DGKG: variants seen among roughly 807,000 people sequenced by gnomAD.
DGKG encodes diacylglycerol kinase gamma.
Under a neutral mutation model 105.3 loss-of-function variants are expected in DGKG, and 78 were observed. The observed-to-expected ratio is 0.74, with a 90% CI of 0.62 to 0.89. The LOEUF is 0.89. DGKG is among the 40% of genes least tolerant of loss of function. The pLI is 0.00. For synonymous variants in DGKG, 346 were observed against 367.1 expected (o/e 0.94, Z 0.66); for missense variants, 958 against 1,020.1 (o/e 0.94, Z 0.83).
In DGKG at chr3:186,244,407, G is replaced by GTTT. The variant is rs10701431; in HGVS notation, c.1762-1842_1762-1840dup. ...TAAAATTTAAACTTTAGCTATTGAT[G>GTTT]TTTTTTTTTTTTTTTGAGATAGAGT... On this transcript the variant is annotated intron_variant, in intron 19 of 24. Coordinates refer to ENST00000265022, the MANE Select transcript of DGKG (RefSeq NM_001346.3). Among the ~76,000 whole-genome samples the GTTT allele has an allele frequency of 1.1e-3, 154 of 138,332 alleles. 2 individuals are homozygous for GTTT. The highest frequency in any genetic ancestry group is 2.7e-3 in the African/African-American group (101 of 37,764). 90.8% of individuals were successfully genotyped at this position (138,332 alleles called of 152,430 possible).
chr3:186,344,325 G>T (rs1204925987), intron 1 of DGKG, among the ~76,000 whole-genome samples: 3 of 152,122 alleles, frequency 2.0e-5, no homozygotes, highest in Admixed American at 1.3e-4. Context: ...GCAAAGACAT[G>T]GAATGAGCAT....
intron 11 of DGKG, among the ~76,000 whole-genome samples, chr3:186,272,053 T>A (rs889782360): frequency 1.3e-5 from 2 of 152,158 alleles, no homozygotes; most frequent in African/African-American, 4.8e-5. Flanking sequence ...GTGTACCCCC[T>A]AGCATGGTGC....
chr3:186,249,708 A>G (rs4686756), intron 19 of DGKG, among the ~76,000 whole-genome samples: 138,614 of 152,032 alleles, frequency 0.91, 63,888 homozygotes, highest in East Asian at 1. Context: ...TGGATGTGGT[A>G]TTGCACGCTT....
chr3:186,323,589 C>T (rs531094503), intron 1 of DGKG, among the ~76,000 whole-genome samples: 7 of 152,206 alleles, frequency 4.6e-5, no homozygotes, highest in Admixed American at 6.5e-5. Context: ...GTCAGGAGAT[C>T]GAGACCATCC....
At chr3:186,197,073 G>A (rs543210663) in intron 21 of DGKG, among the ~76,000 whole-genome samples, 2 of 152,314 alleles carry the variant, frequency 1.3e-5, no homozygotes, top group East Asian at 1.9e-4. Flanking sequence ...AAGAGAAGAT[G>A]CTGAACAGAG....
intron 22 of DGKG, among the ~76,000 whole-genome samples, chr3:186,181,167 T>C (rs1446495418): frequency 6.6e-6 from 1 of 152,222 alleles, no homozygotes; most frequent in Non-Finnish European, 1.5e-5. Flanking sequence ...TGTGGGGTTA[T>C]TTTATTGAGG....
intron 1 of DGKG, among the ~76,000 whole-genome samples, chr3:186,342,935 G>GA: frequency 6.6e-6 from 1 of 151,738 alleles, no homozygotes; most frequent in East Asian, 1.9e-4. Context: ...AAGACACTTA[G>GA]AAAAAAAGGA....
At chr3:186,193,681 C>T (rs1177010318) in intron 21 of DGKG, among the ~76,000 whole-genome samples, 1 of 152,212 alleles carries the variant, frequency 6.6e-6, no homozygotes, top group Non-Finnish European at 1.5e-5. Context: ...GGAGCCGAGC[C>T]CGGGACGCTG....
At chr3:186,305,018 G>T (rs1391526048) in intron 3 of DGKG, among the ~76,000 whole-genome samples, 2 of 152,198 alleles carry the variant, frequency 1.3e-5, no homozygotes, top group Non-Finnish European at 2.9e-5. Flanking sequence ...AGTAGGGGGA[G>T]ATCTTGCATT....
chr3:186,163,396 C>T (rs1716392828), intron 23 of DGKG, among the ~76,000 whole-genome samples: 1 of 152,108 alleles, frequency 6.6e-6, no homozygotes, highest in African/African-American at 2.4e-5. Context: ...GAAGAAAAGG[C>T]AGGCTCTTTT....
At chr3:186,174,939 T>G (rs964179768) in intron 22 of DGKG, among the ~76,000 whole-genome samples, 9 of 152,152 alleles carry the variant, frequency 5.9e-5, no homozygotes, top group African/African-American at 2.2e-4. Flanking sequence ...CCTTTGAGTC[T>G]GGATAATCCC....
intron 2 of DGKG, among the ~76,000 whole-genome samples, chr3:186,307,339 A>G (rs1325685965): frequency 1.3e-5 from 2 of 151,974 alleles, no homozygotes; most frequent in African/African-American, 2.4e-5. Flanking sequence ...TCATTTCCCT[A>G]TTTACTCTAC....
intron 4 of DGKG, 40 bp downstream of exon 4, chr3:186,298,023 GC>G: frequency 6.4e-7 from 1 of 1,568,060 alleles, no homozygotes; most frequent in Non-Finnish European, 8.6e-7. Context: ...GGGGATGAGA[GC>G]TGCGCAAGGT....
chr3:186,283,069 C>T (rs1030485608), intron 7 of DGKG, among the ~76,000 whole-genome samples: 56 of 151,758 alleles, frequency 3.7e-4, no homozygotes, highest in Admixed American at 2.0e-4. Flanking sequence ...CCAACATGCC[C>T]GGCTAATTTT....
chr3:186,237,304 G>A (rs752063003), intron 20 of DGKG, among the ~76,000 whole-genome samples: 1 of 152,182 alleles, frequency 6.6e-6, no homozygotes, highest in Non-Finnish European at 1.5e-5. Context: ...CACTTAAGAG[G>A]GCTCAGTGCT....
chr3:186,276,498 C>T (rs780941926), intron 9 of DGKG, among the ~76,000 whole-genome samples: 14 of 152,166 alleles, frequency 9.2e-5, no homozygotes, highest in Non-Finnish European at 1.6e-4. Flanking sequence ...GTGTGATAAT[C>T]AAGATGAAAG....
chr3:186,282,039 G>A (rs1264370116), intron 7 of DGKG, among the ~76,000 whole-genome samples: 1 of 152,210 alleles, frequency 6.6e-6, no homozygotes, highest in Non-Finnish European at 1.5e-5. Context: ...TTTTAGCTTG[G>A]AGAAGATTTT....
intron 24 of DGKG, among the ~76,000 whole-genome samples, chr3:186,156,500 T>C (rs1369948450): frequency 6.6e-6 from 1 of 152,148 alleles, no homozygotes; most frequent in Non-Finnish European, 1.5e-5. Flanking sequence ...TTATTCAAAT[T>C]ATTGTGGCTT....
chr3:186,222,628 A>G (rs1415083591), intron 20 of DGKG, among the ~76,000 whole-genome samples: 3 of 151,292 alleles, frequency 2.0e-5, no homozygotes, highest in Non-Finnish European at 4.4e-5. Flanking sequence ...GGATCACTTG[A>G]GGTCAGGAGT....
Sources: gnomAD v4.1 joint callset for allele counts (sites outside exome capture counted in the v4.1 genomes callset) on GRCh38, gnomAD v4.1.1 for gene constraint, MANE v1.5 for transcripts, NCBI Gene and HGNC (gene_info 2026-07-23, HGNC 2026-07-21) for gene names.